WNT3: variants seen among roughly 807,000 people sequenced by gnomAD.
WNT3 encodes the protein proto-oncogene Wnt-3.
WNT3 carries 7 observed loss-of-function variants against 34.2 expected under a neutral mutation model. The observed-to-expected ratio is 0.20, with a 90% CI of 0.12 to 0.38. The LOEUF (loss-of-function observed/expected upper bound fraction) is 0.38. WNT3 is among the 10% of genes least tolerant of loss of function. The pLI is 1.00. For missense variants in WNT3, 267 were observed against 499.8 expected, an observed-to-expected ratio of 0.53 and a Z score of 4.44; for synonymous variants, 212 against 211.5, an observed-to-expected ratio of 1.00 and a Z score of -0.02.
intron 1 of WNT3, among the ~76,000 whole-genome samples, chr17:46,803,828 G>T (rs537272080): frequency 2.0e-5 from 3 of 152,208 alleles, no homozygotes; most frequent in Non-Finnish European, 2.9e-5. Context: ...TGCAGAGCCC[G>T]GAAGCAGGCT....
At chr17:46,804,959 G>A (rs1023755232) in intron 1 of WNT3, among the ~76,000 whole-genome samples, 51 of 106,436 alleles carry the variant, frequency 4.8e-4, no homozygotes, top group African/African-American at 1.9e-3. Context: ...ACCCCCTTGG[G>A]TCGCCTTCCA....
intron 1 of WNT3, among the ~76,000 whole-genome samples, chr17:46,795,202 T>C (rs993038056): frequency 6.6e-6 from 1 of 151,962 alleles, no homozygotes; most frequent in Non-Finnish European, 1.5e-5. Context: ...GCTTGTCTGC[T>C]CCCCCATAAA....
At chr17:46,766,251 T>A (rs2059311712) in intron 4 of WNT3, among the ~76,000 whole-genome samples, 1 of 151,756 alleles carries the variant, frequency 6.6e-6, no homozygotes. Context: ...CTACTAAAAA[T>A]AAAAAAATTA....
At chr17:46,804,169 C>T (rs2084162275) in intron 1 of WNT3, among the ~76,000 whole-genome samples, 1 of 152,078 alleles carries the variant, frequency 6.6e-6, no homozygotes, top group African/African-American at 2.4e-5. Flanking sequence ...CTCACTGCAA[C>T]CACCACCTCC....
At chr17:46,818,112 G>C (rs1284291616) in intron 1 of WNT3, among the ~76,000 whole-genome samples, 1 of 152,038 alleles carries the variant, frequency 6.6e-6, no homozygotes, top group Non-Finnish European at 1.5e-5. Context: ...GAACAGGATG[G>C]TTTTGCCCAT....
chr17:46,771,835 G>A (rs1247582452), intron 2 of WNT3, among the ~76,000 whole-genome samples: 1 of 144,512 alleles, frequency 6.9e-6, no homozygotes, highest in South Asian at 2.1e-4. Context: ...GCGGTGGGGG[G>A]GCGGTGCTCG....
intron 1 of WNT3, among the ~76,000 whole-genome samples, chr17:46,815,584 C>G (rs28537366): frequency 0.051 from 7,698 of 152,070 alleles, 256 homozygotes; most frequent in Middle Eastern, 0.17. Context: ...GAAATGGGAT[C>G]AGGAATCAGA....
intron 1 of WNT3, among the ~76,000 whole-genome samples, chr17:46,800,750 T>G (rs2084114108): frequency 6.6e-6 from 1 of 152,128 alleles, no homozygotes; most frequent in Non-Finnish European, 1.5e-5. Flanking sequence ...TTTGGTGGTA[T>G]GGGTTGAAAG....
At chr17:46,779,040 G>A (rs1178477010) in intron 1 of WNT3, among the ~76,000 whole-genome samples, 4 of 81,520 alleles carry the variant, frequency 4.9e-5, no homozygotes, top group East Asian at 2.7e-4. Context: ...GTTATTCCCC[G>A]GTCCCTACCC....
chr17:46,807,341 G>A (rs915186291), intron 1 of WNT3, among the ~76,000 whole-genome samples: 1 of 152,218 alleles, frequency 6.6e-6, no homozygotes, highest in Non-Finnish European at 1.5e-5. Context: ...AATTAGCTGG[G>A]TGTGGTGGCG....
chr17:46,781,639 G>A (rs1401667494), intron 1 of WNT3, among the ~76,000 whole-genome samples: 1 of 152,180 alleles, frequency 6.6e-6, no homozygotes, highest in African/African-American at 2.4e-5. Flanking sequence ...AGTTTGGGAT[G>A]ATGAAAACAG....
chr17:46,768,209 T>C lies in WNT3; in HGVS notation c.*8+103A>G. On this transcript the variant is annotated intron_variant, in intron 4 of 4. Transcript: ENST00000225512. The surrounding 1 kb of genome is among the most constrained non-coding windows in gnomAD (Gnocchi z 5.0). ...GCTGTGGGAACTTGTGTGTCTTGGA[T>C]AGCTTAGAAACAGAAGGGGGTCGTC... 6.5e-7 allele frequency: 1 copy of C among 1,532,572 alleles called. No individual in the cohort carries two copies. The highest frequency in any genetic ancestry group is 8.8e-7 in the Non-Finnish European group (1 of 1,131,962). The allele number at this position is 1,532,572 out of a possible 1,614,324, so 94.9% of individuals were successfully genotyped here. A position where few individuals can be genotyped will look rare whatever the true frequency, so the allele number is the denominator to read the frequency against.
intron 4 of WNT3, among the ~76,000 whole-genome samples, chr17:46,766,350 G>A (rs2146366794): frequency 6.6e-6 from 1 of 152,076 alleles, no homozygotes; most frequent in Non-Finnish European, 1.5e-5. Context: ...GGAGGTTACA[G>A]TGAGCCGAGA....
chr17:46,816,698 C>G (rs1338874811), intron 1 of WNT3, among the ~76,000 whole-genome samples: 1 of 152,198 alleles, frequency 6.6e-6, no homozygotes, highest in Non-Finnish European at 1.5e-5. Flanking sequence ...AGAATCTACA[C>G]CAACTGGAAG....
At chr17:46,811,663 T>A (rs1049870233) in intron 1 of WNT3, among the ~76,000 whole-genome samples, 1 of 152,126 alleles carries the variant, frequency 6.6e-6, no homozygotes, top group Non-Finnish European at 1.5e-5. Flanking sequence ...CAGAAGATTC[T>A]AGAAACTCTG....
At chr17:46,815,469 T>C (rs974389610) in intron 1 of WNT3, among the ~76,000 whole-genome samples, 4 of 151,946 alleles carry the variant, frequency 2.6e-5, no homozygotes, top group African/African-American at 9.7e-5. Flanking sequence ...TCCTGGGGAA[T>C]GCATGAGCTG....
At chr17:46,800,202 C>T (rs889837488) in intron 1 of WNT3, among the ~76,000 whole-genome samples, 1 of 152,148 alleles carries the variant, frequency 6.6e-6, no homozygotes, top group African/African-American at 2.4e-5. Flanking sequence ...CCTCCACCTC[C>T]CAGGTTCAAG....
At chr17:46,803,041 C>T (rs1366652881) in intron 1 of WNT3, among the ~76,000 whole-genome samples, 1 of 152,146 alleles carries the variant, frequency 6.6e-6, no homozygotes, top group East Asian at 1.9e-4. Flanking sequence ...AGACCTCAAC[C>T]TATGGGATCA....
chr17:46,787,300 G>C (rs1459927149), intron 1 of WNT3, among the ~76,000 whole-genome samples: 1 of 151,996 alleles, frequency 6.6e-6, no homozygotes, highest in Non-Finnish European at 1.5e-5. Context: ...ATTGGAGTAG[G>C]GCGGGGGCGG....
Sources: gnomAD v4.1 joint callset for allele counts (sites outside exome capture counted in the v4.1 genomes callset) on GRCh38, gnomAD v4.1.1 for gene constraint, Gnocchi (gnomAD v3.1) non-coding constraint, MANE v1.5 for transcripts, NCBI Gene and HGNC (gene_info 2026-07-23, HGNC 2026-07-21) for gene names.